LONP2: variants seen among roughly 807,000 people sequenced by gnomAD.
LONP2 encodes lon peptidase 2, peroxisomal, also known as lon protease homolog 2, peroxisomal.
A neutral mutation model predicts 85.6 loss-of-function variants in LONP2; 60 were observed. That is an observed-to-expected ratio of 0.70 (90% confidence interval 0.57 to 0.87). LONP2 has a LOEUF of 0.87. Among genes scored for constraint, LONP2 ranks in the 40% least tolerant of loss-of-function variants. The pLI is 0.00. For synonymous variants in LONP2, 395 were observed against 389.7 expected, an observed-to-expected ratio of 1.01 and a Z score of -0.16; for missense variants, 860 against 1,063.5, an observed-to-expected ratio of 0.81 and a Z score of 2.66.
At chr16:48,335,036 A>G (rs1461697846) in intron 12 of LONP2, among the ~76,000 whole-genome samples, 3 of 152,182 alleles carry the variant, frequency 2.0e-5, no homozygotes, top group East Asian at 3.8e-4. Context: ...TTGTGATAAT[A>G]TGACTTGCCA....
At position 48,353,567 on chromosome 16, in the gene LONP2, T is replaced by A. The variant is rs1960226520; in HGVS notation, c.*1765T>A. The A allele has an allele frequency of 6.6e-6, 1 of 151,786 alleles. No homozygotes were observed. The highest frequency in any genetic ancestry group is 6.6e-5 in the Admixed American group (1 of 15,220). The allele number at this position is 151,786 out of a possible 1,614,324, so 9.4% of individuals were successfully genotyped here. A position where few individuals can be genotyped will look rare whatever the true frequency, so the allele number is the denominator to read the frequency against. ...AATAGCAGGCCTGCTGATAAAAGTT[T>A]ATCTGAATGCATTGAGAGGAAAAGT... On this transcript the variant is annotated 3_prime_UTR_variant, in exon 15 of 15. Transcript: ENST00000285737.
At chr16:48,308,164 G>T (rs1972951657) in intron 11 of LONP2, among the ~76,000 whole-genome samples, 1 of 152,170 alleles carries the variant, frequency 6.6e-6, no homozygotes, top group Non-Finnish European at 1.5e-5. Flanking sequence ...GGAACAGAAT[G>T]CAGAAACTAG....
rs1296396134 is a variant in LONP2, at chr16:48,352,200, G to C, written c.*398G>C. On this transcript the variant is annotated 3_prime_UTR_variant, in exon 15 of 15. Coordinates refer to ENST00000285737, the MANE Select transcript of LONP2 (RefSeq NM_031490.5). Reference sequence around the variant, plus strand: ...ATCTGTGTTTTAAGAAGCCTTCCAGGTAATTCTGCTGCACACTCAAGTTCA... The same window carrying C: ...ATCTGTGTTTTAAGAAGCCTTCCAGCTAATTCTGCTGCACACTCAAGTTCA... The C allele has an allele frequency of 4.1e-5, 8 of 197,308 alleles. No individual in the cohort carries two copies. Among genetic ancestry groups the C allele is most frequent in the Non-Finnish European group, 8.4e-5 (8 of 94,976 alleles). 12.2% of individuals were successfully genotyped at this position (197,308 alleles called of 1,614,324 possible).
At chr16:48,308,050 T>A (rs1972948575) in intron 11 of LONP2, among the ~76,000 whole-genome samples, 1 of 152,192 alleles carries the variant, frequency 6.6e-6, no homozygotes, top group African/African-American at 2.4e-5. Context: ...TCTGCCCCTG[T>A]GACCCAAACA....
chr16:48,284,163 G>A (rs113542850), intron 8 of LONP2, among the ~76,000 whole-genome samples: 9 of 152,300 alleles, frequency 5.9e-5, no homozygotes, highest in Non-Finnish European at 1.0e-4. Context: ...CAAAGAAAGC[G>A]GGTTTCTTGA....
At chr16:48,263,987 G>A (rs1971932791) in intron 6 of LONP2, among the ~76,000 whole-genome samples, 1 of 152,170 alleles carries the variant, frequency 6.6e-6, no homozygotes, top group Non-Finnish European at 1.5e-5. Context: ...GTTTTTATTA[G>A]GGATTTTCAA....
rs754960151 is a variant in LONP2 at position 48,334,238 on chromosome 16, A to T, written c.1818A>T (p.Glu606Asp). ...EREGCREHIL[E>D]DEKPESISDT... ...TAGGTTGCAGAGAACACATCTTAGA[A>T]GATGAAAAACCTGAATCTATCAGTG... is the stretch of plus-strand genomic sequence containing the variant. The change falls in exon 12 of 15, where the codon GAA becomes GAT. Residue 606 changes from glutamate (E) to aspartate (D), a missense_variant. By Grantham distance (45) the Glu-to-Asp change is conservative. Transcript: ENST00000285737. 6 of 1,613,990 alleles carry T rather than the reference A, an allele frequency of 3.7e-6. No homozygotes were observed.
downstream of LONP2, chr16:48,361,773 T>G: frequency 6.2e-7 from 1 of 1,614,202 alleles, no homozygotes. Context: ...AGCAAAATTT[T>G]CAGCTTGCTT....
intron 11 of LONP2, among the ~76,000 whole-genome samples, chr16:48,325,203 A>G (rs756163508): frequency 1.3e-5 from 2 of 152,148 alleles, no homozygotes; most frequent in African/African-American, 4.8e-5. Flanking sequence ...AGCTCCTATG[A>G]GAATCTAATG....
chr16:48,265,249 T>C (rs1971966494), intron 6 of LONP2, among the ~76,000 whole-genome samples: 1 of 152,236 alleles, frequency 6.6e-6, no homozygotes. Flanking sequence ...TTTTTGCTTT[T>C]GTTGCCTTGA....
Position 48,262,763 on chromosome 16 carries a change from A to G in LONP2, c.888-15A>G. 2.6e-6 allele frequency: 4 copies of G among 1,543,884 alleles called. No individual in the cohort carries two copies. The highest frequency in any genetic ancestry group is 3.5e-5 in the Admixed American group (2 of 57,070). ...GTGTTCTTGAACATGTTTGCTGTGT[A>G]TTCTTTCTCCACAGACTCAAAAAAA... On this transcript the variant is annotated splice_polypyrimidine_tract_variant and intron_variant, in intron 5 of 14. Coordinates refer to ENST00000285737, the MANE Select transcript of LONP2 (RefSeq NM_031490.5).
chr16:48,349,736 T>C (rs1373992885), intron 14 of LONP2, among the ~76,000 whole-genome samples: 1 of 152,214 alleles, frequency 6.6e-6, no homozygotes, highest in Non-Finnish European at 1.5e-5. Context: ...AAAAACAATT[T>C]GTTGTTAGAA....
At chr16:48,331,725 C>T (rs1274730285) in intron 11 of LONP2, among the ~76,000 whole-genome samples, 1 of 152,088 alleles carries the variant, frequency 6.6e-6, no homozygotes, top group Non-Finnish European at 1.5e-5. Context: ...CCACCACGCC[C>T]AGCTAATTTT....
chr16:48,348,248 A>C lies in LONP2; in HGVS notation c.2295A>C (p.Val765=). The C allele has an allele frequency of 6.3e-7, 1 of 1,575,670 alleles. No homozygotes were observed. Among genetic ancestry groups the C allele is most frequent in the Non-Finnish European group, 8.6e-7 (1 of 1,163,294 alleles). ...GTGGGCGGCTGGTACGTTCAGATGT[A>C]GCCATGACTGGAGAAATTACACTGA... ...LFSGRLVRSD[V]AMTGEITLRG... The change falls in exon 14 of 15, where the codon GTA becomes GTC. Residue 765 remains valine (V), a synonymous_variant. Coordinates refer to ENST00000285737, the MANE Select transcript of LONP2 (RefSeq NM_031490.5).
rs577385933 is a variant in LONP2, at chr16:48,293,324, A to T, written c.1384-2691A>T. 3.1e-3 allele frequency among the ~76,000 whole-genome samples: 471 copies of T among 152,220 alleles called. 2 individuals are homozygous for T. Among genetic ancestry groups the T allele is most frequent in the African/African-American group, 0.011 (449 of 41,534 alleles). On this transcript the variant is annotated intron_variant, in intron 8 of 14. Coordinates refer to ENST00000285737, the MANE Select transcript of LONP2 (RefSeq NM_031490.5). ...GCGCCTGTAGTCCCAGCTACTCGGG[A>T]GGCTGAGGCAGGAGAATGGCGTGAG...
chr16:48,253,411 A>C (rs921997065), intron 2 of LONP2, among the ~76,000 whole-genome samples: 11 of 152,110 alleles, frequency 7.2e-5, no homozygotes, highest in Admixed American at 5.9e-4. Flanking sequence ...TGGAAGTTGC[A>C]GTGAGCCAAG....
intron 1 of LONP2, among the ~76,000 whole-genome samples, chr16:48,248,815 G>A (rs1434608567): frequency 1.3e-5 from 2 of 149,778 alleles, no homozygotes; most frequent in Non-Finnish European, 2.9e-5. Context: ...CCAGGTGATC[G>A]AAGCTGCAGT....
intron 9 of LONP2, 131 bp from the exon 10 acceptor site, chr16:48,299,531 G>A (rs970236158): frequency 5.1e-5 from 43 of 844,484 alleles, no homozygotes; most frequent in African/African-American, 7.0e-5. Context: ...GTAGTGAGCC[G>A]AGATCACGCC....
intron 8 of LONP2, among the ~76,000 whole-genome samples, chr16:48,277,892 A>AT (rs529245504): frequency 2.4e-3 from 328 of 138,028 alleles, no homozygotes; most frequent in African/African-American, 5.9e-3. Flanking sequence ...GCACTTCCTG[A>AT]TTTTTTTTTT....
Sources: allele counts gnomAD v4.1 joint callset (sites outside exome capture counted in the v4.1 genomes callset), GRCh38; gene constraint gnomAD v4.1.1; transcripts MANE v1.5; gene names NCBI Gene and HGNC (gene_info 2026-07-23, HGNC 2026-07-21).